The following MAGI2 variants were observed in gnomAD, a reference collection of about 807,000 sequenced individuals.
The protein encoded by MAGI2 is membrane-associated guanylate kinase, WW and PDZ domain-containing protein 2.
Under a neutral mutation model 133.3 loss-of-function variants are expected in MAGI2, and 35 were observed. That is an observed-to-expected ratio of 0.26 (90% confidence interval 0.20 to 0.35). MAGI2 has a LOEUF of 0.35. Ranked by LOEUF, MAGI2 falls within the 10% of genes least tolerant of loss-of-function variation. The pLI, the probability that MAGI2 is intolerant of heterozygous loss-of-function variation, is 1.00. For synonymous variants in MAGI2, 729 were observed against 710.6 expected (o/e 1.03, Z -0.41); for missense variants, 1,636 against 1,863.4 (o/e 0.88, Z 2.25).
chr7:78,138,347 G>A (rs1166258555), intron 16 of MAGI2, among the ~76,000 whole-genome samples: 1 of 152,172 alleles, frequency 6.6e-6, no homozygotes, highest in African/African-American at 2.4e-5. Context: ...AGTGGGAGGA[G>A]GAGAGAGAAG....
At chr7:78,241,422 A>G (rs989271947) in intron 10 of MAGI2, among the ~76,000 whole-genome samples, 1 of 151,998 alleles carries the variant, frequency 6.6e-6, no homozygotes, top group African/African-American at 2.4e-5. Context: ...GGCATTTTCT[A>G]TGCTTAGGAT....
In MAGI2 at chr7:78,194,857, A is replaced by C. The variant is rs1456334824; in HGVS notation, c.2269+17T>G. 4.4e-6 allele frequency: 7 copies of C among 1,574,492 alleles called. No homozygotes were observed. The highest frequency in any genetic ancestry group is 6.0e-6 in the Non-Finnish European group (7 of 1,161,402). On this transcript the variant is annotated intron_variant, in intron 12 of 21. Transcript: ENST00000354212. The stretch of plus-strand genomic sequence containing the variant: ...GCTATTATTAATGTACCCTTGTTTC[A>C]TGTGGCTTTCACTTACGCCTACTTT...
intron 2 of MAGI2, among the ~76,000 whole-genome samples, chr7:78,881,217 T>C (rs1015352593): frequency 6.6e-6 from 1 of 152,148 alleles, no homozygotes; most frequent in Non-Finnish European, 1.5e-5. Flanking sequence ...TTTGATGAAT[T>C]GGACCTAATA....
intron 21 of MAGI2, among the ~76,000 whole-genome samples, chr7:78,054,794 AG>A (rs1478962031): frequency 6.6e-6 from 1 of 151,988 alleles, no homozygotes; most frequent in African/African-American, 2.4e-5. Context: ...CTGGGATTAC[AG>A]GCATGCACCA....
chr7:78,896,534 TATATA>T (rs1277495528), intron 2 of MAGI2, among the ~76,000 whole-genome samples: 1 of 148,328 alleles, frequency 6.7e-6, no homozygotes, highest in African/African-American at 2.4e-5. Context: ...GGGATATATA[TATATA>T]ATATAATATA....
chr7:79,417,138 C>T (rs537065508), intron 1 of MAGI2, among the ~76,000 whole-genome samples: 205 of 152,252 alleles, frequency 1.3e-3, no homozygotes, highest in African/African-American at 4.7e-3. Flanking sequence ...ACTATACCTC[C>T]TCTACAATGT....
chr7:78,668,449 T>G (rs1288337523), intron 2 of MAGI2, among the ~76,000 whole-genome samples: 1 of 151,178 alleles, frequency 6.6e-6, no homozygotes, highest in Non-Finnish European at 1.5e-5. Flanking sequence ...TTTGGTGTTT[T>G]AGACATGAAG....
chr7:78,189,501 C>A (rs1049665932), intron 12 of MAGI2, among the ~76,000 whole-genome samples: 1 of 152,162 alleles, frequency 6.6e-6, no homozygotes, highest in African/African-American at 2.4e-5. Flanking sequence ...TTACACCATA[C>A]GGATCCTTGA....
intron 3 of MAGI2, chr7:78,554,455 T>C (rs1479248274): frequency 6.6e-6 from 1 of 152,180 alleles, no homozygotes; most frequent in Non-Finnish European, 1.5e-5. Context: ...ATGCAGAATT[T>C]TAAAAGAACA....
chr7:78,085,438 A>T (rs1816509970), intron 20 of MAGI2, among the ~76,000 whole-genome samples: 1 of 151,938 alleles, frequency 6.6e-6, no homozygotes, highest in Non-Finnish European at 1.5e-5. Context: ...TGGGAGGATC[A>T]CTTGAGCCCA....
chr7:79,168,889 G>GATAGATAGATAT (rs1396243710), intron 1 of MAGI2, among the ~76,000 whole-genome samples: 1 of 14,632 alleles, frequency 6.8e-5, no homozygotes, highest in Non-Finnish European at 2.1e-4. Flanking sequence ...TCTAAAGATA[G>GATAGATAGATAT]ATATATATAT....
chr7:78,270,295 C>G lies in MAGI2; in HGVS notation c.1409-13714G>C, dbSNP rs1411440655. Among the ~76,000 whole-genome samples, 4 of 152,122 alleles carry G rather than the reference C, an allele frequency of 2.6e-5. No homozygotes were observed. In the East Asian group the frequency reaches 7.7e-4, roughly 29 times the overall value. On this transcript the variant is annotated intron_variant, in intron 9 of 21. Coordinates refer to ENST00000354212, the MANE Select transcript of MAGI2 (RefSeq NM_012301.4). Reference sequence around the variant, plus strand: ...AAATTTGAAGTAGTTTTTTCCAATTCTGTGAAGAAAGTCAATGGTAGCTTG... The same window carrying G: ...AAATTTGAAGTAGTTTTTTCCAATTGTGTGAAGAAAGTCAATGGTAGCTTG...
chr7:78,328,529 A>ACACACACACACACACACACACACACAC (rs1408831333), intron 9 of MAGI2, among the ~76,000 whole-genome samples: 7 of 99,776 alleles, frequency 7.0e-5, no homozygotes, highest in African/African-American at 2.7e-4. Context: ...ACACACACAC[A>ACACACACACACACACACACACACACAC]CCCCTCTCTC....
intron 1 of MAGI2, among the ~76,000 whole-genome samples, chr7:79,184,762 T>C (rs1826921957): frequency 6.6e-6 from 1 of 151,872 alleles, no homozygotes; most frequent in Non-Finnish European, 1.5e-5. Context: ...TCTGATTCTA[T>C]CAAAGTTTTG....
At chr7:78,642,748 T>C in intron 2 of MAGI2, among the ~76,000 whole-genome samples, 1 of 152,222 alleles carries the variant, frequency 6.6e-6, no homozygotes, top group Non-Finnish European at 1.5e-5. Context: ...ATCTCTTTCA[T>C]TTTTCTGAAC....
intron 4 of MAGI2, among the ~76,000 whole-genome samples, chr7:78,503,005 T>C (rs1245304374): frequency 1.3e-5 from 2 of 152,080 alleles, no homozygotes; most frequent in Non-Finnish European, 2.9e-5. Flanking sequence ...CAAACTACAA[T>C]GTTAAAAGGC....
At chr7:78,108,672 ACACACATATATGTGAGTG>A (rs1818959611) in intron 20 of MAGI2, among the ~76,000 whole-genome samples, 1 of 144,312 alleles carries the variant, frequency 6.9e-6, no homozygotes, top group Non-Finnish European at 1.6e-5. Flanking sequence ...GTGTGTGTAT[ACACACATATATGTGAGTG>A]TATACACACA....
At chr7:78,633,297 T>A (rs1809231738) in intron 2 of MAGI2, among the ~76,000 whole-genome samples, 1 of 152,020 alleles carries the variant, frequency 6.6e-6, no homozygotes, top group Non-Finnish European at 1.5e-5. Flanking sequence ...AACTATTGGG[T>A]ACTGGGCTTA....
chr7:79,227,832 G>A (rs754277845), intron 1 of MAGI2, among the ~76,000 whole-genome samples: 2 of 152,152 alleles, frequency 1.3e-5, no homozygotes, highest in Admixed American at 1.3e-4. Context: ...CAGGCTGAAA[G>A]ATAATTTCTT....
Sources: allele counts gnomAD v4.1 joint callset (sites outside exome capture counted in the v4.1 genomes callset), GRCh38; gene constraint gnomAD v4.1.1; transcripts MANE v1.5; gene names NCBI Gene and HGNC (gene_info 2026-07-23, HGNC 2026-07-21).